Variants in PRKCH observed in about 807,000 individuals in gnomAD.
The protein encoded by PRKCH is protein kinase C eta type.
In PRKCH, 28 loss-of-function variants were observed where a neutral mutation model predicts 82.5. The observed-to-expected ratio is 0.34, with a 90% CI of 0.25 to 0.47. The LOEUF is 0.47. Among genes scored for constraint, PRKCH ranks in the 20% least tolerant of loss-of-function variants. PRKCH has a pLI of 1.00. For missense variants in PRKCH, 705 were observed against 881.8 expected (o/e 0.80, Z 2.54); for synonymous variants, 322 against 327.4 (o/e 0.98, Z 0.18).
chr14:61,469,155 T>A (rs1232726090), intron 9 of PRKCH, among the ~76,000 whole-genome samples: 2 of 152,252 alleles, frequency 1.3e-5, no homozygotes, highest in Non-Finnish European at 2.9e-5. Context: ...CACACTGGTC[T>A]TGAACTCCTG....
At chr14:61,372,571 G>T (rs1424781567) in intron 1 of PRKCH, among the ~76,000 whole-genome samples, 5 of 152,010 alleles carry the variant, frequency 3.3e-5, no homozygotes, top group Non-Finnish European at 7.4e-5. Flanking sequence ...TTATGAGAAA[G>T]AACTTTATTG....
At chr14:61,494,049 G>T (rs1489141403) in intron 10 of PRKCH, among the ~76,000 whole-genome samples, 1 of 152,174 alleles carries the variant, frequency 6.6e-6, no homozygotes, top group Non-Finnish European at 1.5e-5. Flanking sequence ...AGAAGTTTTA[G>T]AAAGGTTGTA....
chr14:61,506,374 G>C (rs1566919193), intron 10 of PRKCH, among the ~76,000 whole-genome samples: 1 of 152,128 alleles, frequency 6.6e-6, no homozygotes, highest in Non-Finnish European at 1.5e-5. Flanking sequence ...CATCAGTGGG[G>C]TTGTGAGTCC....
intron 1 of PRKCH, among the ~76,000 whole-genome samples, chr14:61,235,244 A>G (rs1461768806): frequency 6.6e-6 from 1 of 152,228 alleles, no homozygotes; most frequent in Non-Finnish European, 1.5e-5. Context: ...ACTGTGAGTC[A>G]GTAGAAACCC....
intron 1 of PRKCH, chr14:61,299,858 A>C (rs1044684745): frequency 2.6e-5 from 4 of 152,222 alleles, no homozygotes; most frequent in African/African-American, 9.6e-5. Context: ...GAAGTTAACA[A>C]ACTGTATTGT....
intron 10 of PRKCH, among the ~76,000 whole-genome samples, chr14:61,489,047 G>A (rs1024489140): frequency 6.6e-6 from 1 of 152,176 alleles, no homozygotes; most frequent in South Asian, 2.1e-4. Flanking sequence ...TACAGGCTGG[G>A]AACAGAGTCT....
At chr14:61,437,477 CAGGA>C (rs1883733032) in intron 2 of PRKCH, among the ~76,000 whole-genome samples, 1 of 152,180 alleles carries the variant, frequency 6.6e-6, no homozygotes, top group Non-Finnish European at 1.5e-5. Flanking sequence ...CAAATTATCT[CAGGA>C]AGAAGAAAAA....
At chr14:61,292,841 G>T (rs993401340) in intron 1 of PRKCH, among the ~76,000 whole-genome samples, 4 of 149,734 alleles carry the variant, frequency 2.7e-5, no homozygotes, top group Non-Finnish European at 5.9e-5. Context: ...AGATACTAAG[G>T]AGGCCGAGGC....
chr14:61,528,980 G>GTGTGTGTGTC, intron 10 of PRKCH, 95 bp from the exon 11 acceptor site: 1 of 1,097,192 alleles, frequency 9.1e-7, no homozygotes, highest in Non-Finnish European at 1.3e-6. Context: ...GCACGTGTGT[G>GTGTGTGTGTC]TGTGTGTGTG....
intron 1 of PRKCH, among the ~76,000 whole-genome samples, chr14:61,354,750 G>T (rs931083654): frequency 2.6e-5 from 4 of 152,054 alleles, no homozygotes; most frequent in Admixed American, 2.0e-4. Context: ...AGTATTTTAG[G>T]CTTTTCTGTA....
At chr14:61,196,603 A>G (rs1555368392) in intron 1 of PRKCH, among the ~76,000 whole-genome samples, 1 of 152,224 alleles carries the variant, frequency 6.6e-6, no homozygotes, top group Non-Finnish European at 1.5e-5. Context: ...AGTGCTGCTA[A>G]ATGACTTTTT....
intron 10 of PRKCH, among the ~76,000 whole-genome samples, chr14:61,497,735 T>C (rs1886732616): frequency 6.6e-6 from 1 of 152,118 alleles, no homozygotes; most frequent in South Asian, 2.1e-4. Context: ...GTAGAATTGC[T>C]TCTCAGGAGT....
chr14:61,422,290 G>A (rs1882877550), intron 2 of PRKCH, among the ~76,000 whole-genome samples: 1 of 152,088 alleles, frequency 6.6e-6, no homozygotes, highest in Non-Finnish European at 1.5e-5. Flanking sequence ...TCTCTATGTT[G>A]CCCAGGCTGG....
intron 12 of PRKCH, among the ~76,000 whole-genome samples, chr14:61,538,842 C>T (rs866397108): frequency 2.0e-5 from 3 of 152,142 alleles, no homozygotes; most frequent in South Asian, 2.1e-4. Flanking sequence ...AAAGATAATG[C>T]GCATCCAGGA....
intron 9 of PRKCH, among the ~76,000 whole-genome samples, chr14:61,483,187 C>CTA (rs1302292966): frequency 3.9e-5 from 6 of 152,268 alleles, no homozygotes; most frequent in African/African-American, 1.4e-4. Context: ...TAAAACCTTA[C>CTA]TATGCAGATG....
chr14:61,224,951 C>T (rs1052232379), intron 1 of PRKCH, among the ~76,000 whole-genome samples: 1 of 152,204 alleles, frequency 6.6e-6, no homozygotes, highest in African/African-American at 2.4e-5. Context: ...CAGGATCTCA[C>T]CTCTCAACAG....
At chr14:61,505,395 C>CTTTTTTTTTTTTTTTTTTTTTT (rs60304150) in intron 10 of PRKCH, among the ~76,000 whole-genome samples, 19 of 55,762 alleles carry the variant, frequency 3.4e-4, no homozygotes, top group South Asian at 1.2e-3. Context: ...CTTTTCTTTT[C>CTTTTTTTTTTTTTTTTTTTTTT]TTTTTTTTTT....
intron 1 of PRKCH, among the ~76,000 whole-genome samples, chr14:61,240,996 G>T (rs77010980): frequency 0.015 from 2,249 of 152,224 alleles, 18 homozygotes; most frequent in Middle Eastern, 0.037. Context: ...GGTACCATCA[G>T]ATCCCACAGG....
intron 1 of PRKCH, among the ~76,000 whole-genome samples, chr14:61,388,597 T>C (rs1272015335): frequency 1.3e-5 from 2 of 152,216 alleles, no homozygotes; most frequent in African/African-American, 4.8e-5. Context: ...TGTGTATGTA[T>C]GTATTCTCTG....
Sources: allele counts gnomAD v4.1 joint callset (sites outside exome capture counted in the v4.1 genomes callset), GRCh38; gene constraint gnomAD v4.1.1; transcripts MANE v1.5; gene names NCBI Gene and HGNC (gene_info 2026-07-23, HGNC 2026-07-21).